The following CYRIB variants were observed in gnomAD, a reference collection of about 807,000 sequenced individuals.
CYRIB encodes the protein CYFIP related Rac1 interactor B, also known as CYFIP-related Rac1 interactor B.
In CYRIB, 8 loss-of-function variants were observed where a neutral mutation model predicts 44.2. That is an observed-to-expected ratio of 0.18 (90% CI 0.11 to 0.33). The LOEUF is 0.33. Among genes scored for constraint, CYRIB ranks in the 10% least tolerant of loss-of-function variants. CYRIB has a pLI of 1.00. For missense variants in CYRIB, 185 were observed against 382.8 expected, an observed-to-expected ratio of 0.48 and a Z score of 4.31; for synonymous variants, 131 against 127.2, an observed-to-expected ratio of 1.03 and a Z score of -0.20.
At chr8:129,845,791 GAATACTACC>G (rs1239552575) in intron 11 of CYRIB, among the ~76,000 whole-genome samples, 2 of 152,104 alleles carry the variant, frequency 1.3e-5, no homozygotes, top group Non-Finnish European at 2.9e-5. Context: ...TATGTCATGT[GAATACTACC>G]AATTAAATCT....
intron 3 of CYRIB, among the ~76,000 whole-genome samples, chr8:129,875,374 T>TA (rs201200567): frequency 2.1e-4 from 32 of 151,964 alleles, no homozygotes; most frequent in Non-Finnish European, 3.2e-4. Context: ...CCCAGCTAAT[T>TA]AAAAAATTTT....
intron 1 of CYRIB, among the ~76,000 whole-genome samples, chr8:130,009,693 G>C (rs1034340228): frequency 5.3e-5 from 8 of 152,248 alleles, no homozygotes; most frequent in Non-Finnish European, 1.2e-4. Context: ...AGAAGGACGT[G>C]TATATGGAGG....
At chr8:129,916,333 C>A (rs10103789) in intron 1 of CYRIB, among the ~76,000 whole-genome samples, 7,021 of 152,122 alleles carry the variant, frequency 0.046, 206 homozygotes, top group Middle Eastern at 0.11. Flanking sequence ...CACTTTATTT[C>A]TATCACACAA....
chr8:129,968,405 T>C (rs2095567127), intron 2 of CYRIB, among the ~76,000 whole-genome samples: 2 of 152,244 alleles, frequency 1.3e-5, no homozygotes, highest in South Asian at 4.1e-4. Flanking sequence ...TCTTAATCAT[T>C]TTATTTCTTT....
At chr8:129,929,252 G>A (rs1365007207) in intron 1 of CYRIB, among the ~76,000 whole-genome samples, 1 of 152,078 alleles carries the variant, frequency 6.6e-6, no homozygotes, top group Non-Finnish European at 1.5e-5. Context: ...GGGAGAGAGT[G>A]TGAGAAGGAA....
chr8:129,855,668 A>G, exon 6 of CYRIB: 3 of 1,614,120 alleles, frequency 1.9e-6, no homozygotes, highest in Non-Finnish European at 2.5e-6. Flanking sequence ...GTTTAGCAAG[A>G]GCCTGCTCTC....
intron 4 of CYRIB, among the ~76,000 whole-genome samples, chr8:129,869,449 T>C (rs1303672705): frequency 6.6e-6 from 1 of 151,740 alleles, no homozygotes; most frequent in Non-Finnish European, 1.5e-5. Flanking sequence ...CGAGTAAGAT[T>C]TTTCTCTTCA....
At chr8:129,909,937 A>G (rs2077125260) in intron 1 of CYRIB, among the ~76,000 whole-genome samples, 1 of 152,194 alleles carries the variant, frequency 6.6e-6, no homozygotes, top group Non-Finnish European at 1.5e-5. Context: ...AATTTCTCAA[A>G]TGAGACTACC....
At chr8:129,906,967 T>C (rs548391985) in intron 1 of CYRIB, among the ~76,000 whole-genome samples, 1 of 152,284 alleles carries the variant, frequency 6.6e-6, no homozygotes, top group Admixed American at 6.5e-5. Flanking sequence ...CTGGAGAGGA[T>C]GTGGAGAAAC....
intron 6 of CYRIB, among the ~76,000 whole-genome samples, chr8:129,854,847 G>GTA (rs935110266): frequency 6.6e-6 from 1 of 152,140 alleles, no homozygotes; most frequent in Non-Finnish European, 1.5e-5. Context: ...CTGTGGCAGA[G>GTA]TATAAACTGG....
intron 1 of CYRIB, among the ~76,000 whole-genome samples, chr8:129,910,536 G>A (rs952082215): frequency 2.2e-5 from 3 of 134,040 alleles, no homozygotes; most frequent in African/African-American, 8.6e-5. Context: ...AATGGTTCCT[G>A]CCTATAATTC....
At chr8:129,904,971 T>A (rs971901729) in intron 1 of CYRIB, among the ~76,000 whole-genome samples, 1 of 152,160 alleles carries the variant, frequency 6.6e-6, no homozygotes, top group African/African-American at 2.4e-5. Context: ...CAACATGCCA[T>A]GCTAAAAATA....
chr8:129,977,600 C>T (rs924230172), intron 1 of CYRIB, among the ~76,000 whole-genome samples: 4 of 150,532 alleles, frequency 2.7e-5, no homozygotes, highest in Non-Finnish European at 5.9e-5. Flanking sequence ...GGAGCGATCT[C>T]GGCTCACTGC....
intron 1 of CYRIB, among the ~76,000 whole-genome samples, chr8:129,990,643 T>G (rs1564666159): frequency 6.6e-6 from 1 of 152,056 alleles, no homozygotes; most frequent in Non-Finnish European, 1.5e-5. Context: ...TGCCTCAGCC[T>G]CCCAAGTAGC....
chr8:129,907,088 TC>T (rs2075798468), intron 1 of CYRIB, among the ~76,000 whole-genome samples: 1 of 152,192 alleles, frequency 6.6e-6, no homozygotes, highest in Admixed American at 6.5e-5. Flanking sequence ...GACCCAGCCA[TC>T]CCATTACTGG....
At chr8:129,956,278 A>G (rs1294667550) in intron 2 of CYRIB, among the ~76,000 whole-genome samples, 1 of 152,170 alleles carries the variant, frequency 6.6e-6, no homozygotes, top group African/African-American at 2.4e-5. Flanking sequence ...TCAAATAATA[A>G]TAATAATGAT....
chr8:129,962,781 T>TAA (rs2095322701), intron 2 of CYRIB, among the ~76,000 whole-genome samples: 1 of 152,226 alleles, frequency 6.6e-6, no homozygotes, highest in Non-Finnish European at 1.5e-5. Context: ...ATTCATCTGT[T>TAA]AATTCATTCA....
intron 1 of CYRIB, among the ~76,000 whole-genome samples, chr8:130,001,641 G>A (rs533581748): frequency 6.8e-6 from 1 of 147,918 alleles, no homozygotes; most frequent in African/African-American, 2.5e-5. Context: ...CAATTCTCCT[G>A]CCTCAGCCTC....
chr8:129,850,917 G>T lies in CYRIB; in HGVS notation c.634-3C>A. The T allele has an allele frequency of 6.3e-7, 1 of 1,575,962 alleles. No individual in the cohort carries two copies. ...TTTTCTATTGGTAAATTTTTATTCT[G>T]TAGAAGTATATGAAGAACAAAAAAA... On this transcript the variant is annotated splice_polypyrimidine_tract_variant and splice_region_variant and intron_variant, in intron 8 of 11. Coordinates refer to ENST00000519824, the Ensembl canonical transcript of CYRIB.
Sources: allele counts gnomAD v4.1 joint callset (sites outside exome capture counted in the v4.1 genomes callset), GRCh38; gene constraint gnomAD v4.1.1; transcripts MANE v1.5; gene names NCBI Gene and HGNC (gene_info 2026-07-23, HGNC 2026-07-21).